The following RCAN1 variants were observed in gnomAD, a reference collection of about 807,000 sequenced individuals.
The protein encoded by RCAN1 is regulator of calcineurin 1.
In RCAN1, 11 loss-of-function variants were observed where a neutral mutation model predicts 22.9. The observed-to-expected ratio is 0.48, with a 90% confidence interval of 0.30 to 0.79. The LOEUF is 0.79. Ranked by LOEUF, RCAN1 falls within the 30% of genes least tolerant of loss-of-function variation. The probability of loss-of-function intolerance (pLI) is 0.06; values close to 1 mark genes in which losing one functional copy is unlikely to be tolerated. For missense variants in RCAN1, 291 were observed against 337.8 expected, an observed-to-expected ratio of 0.86 and a Z score of 1.09; for synonymous variants, 136 against 142.3, an observed-to-expected ratio of 0.96 and a Z score of 0.32.
At chr21:34,551,889 A>G (rs1986382271) in intron 1 of RCAN1, among the ~76,000 whole-genome samples, 1 of 152,190 alleles carries the variant, frequency 6.6e-6, no homozygotes, top group South Asian at 2.1e-4. Context: ...CCTTGCTCAG[A>G]AAGTGTCCAG....
intron 1 of RCAN1, among the ~76,000 whole-genome samples, chr21:34,548,791 G>A (rs558575322): frequency 7.9e-5 from 12 of 152,248 alleles, no homozygotes; most frequent in Admixed American, 3.3e-4. Flanking sequence ...TGCCGGCAAA[G>A]GAATCTTAAA....
chr21:34,521,268 T>C, intron 3 of RCAN1: 1 of 1,439,544 alleles, frequency 6.9e-7, no homozygotes, highest in Non-Finnish European at 9.1e-7. Flanking sequence ...TGGAGGGGCG[T>C]GATGCAGGGT....
chr21:34,517,002 C>A lies in RCAN1; in HGVS notation c.*1082G>T, dbSNP rs1380497958. The A allele has an allele frequency of 6.6e-6, 1 of 152,648 alleles. No homozygotes were observed. Among genetic ancestry groups the A allele is most frequent in the Non-Finnish European group, 1.5e-5 (1 of 68,040 alleles). The allele number at this position is 152,648 out of a possible 1,614,324, so 9.5% of individuals were successfully genotyped here. On this transcript the variant is annotated 3_prime_UTR_variant, in exon 4 of 4. Transcript: ENST00000313806. The stretch of plus-strand genomic sequence containing the variant: ...CCTGTTAGACATGGGAACAGCTTTT[C>A]CTACAACATATGATTCACAGGTAGG...
chr21:34,537,584 C>T (rs893733893), intron 1 of RCAN1, among the ~76,000 whole-genome samples: 20 of 152,370 alleles, frequency 1.3e-4, no homozygotes, highest in African/African-American at 4.8e-4. Flanking sequence ...TGTCTGTGGT[C>T]TACTCGCCCC....
At chr21:34,570,123 T>C (rs1277297518) in intron 1 of RCAN1, among the ~76,000 whole-genome samples, 1 of 152,204 alleles carries the variant, frequency 6.6e-6, no homozygotes, top group East Asian at 1.9e-4. Context: ...CCTATATAAA[T>C]GCAGTGTTCA....
At chr21:34,567,323 T>C (rs182263562) in intron 1 of RCAN1, among the ~76,000 whole-genome samples, 58 of 152,260 alleles carry the variant, frequency 3.8e-4, no homozygotes, top group East Asian at 2.7e-3. Context: ...GGTGAAACCC[T>C]ATCTCTATTA....
chr21:34,554,016 A>G (rs1243403217), intron 1 of RCAN1, among the ~76,000 whole-genome samples: 1 of 152,218 alleles, frequency 6.6e-6, no homozygotes, highest in Non-Finnish European at 1.5e-5. Context: ...AAGTTGCCTC[A>G]ATTTGCTGGC....
chr21:34,581,076 C>G lies in RCAN1; in HGVS notation c.252+33684G>C, dbSNP rs530111203. ...CTAAGTCCTTGTGGAGATGGACCCA[C>G]CGTTGTCTCAGAGATGCCTTAGTCT... On this transcript the variant is annotated intron_variant, in intron 1 of 3. Transcript: ENST00000313806. Among the ~76,000 whole-genome samples the G allele has an allele frequency of 2.0e-5, 3 of 152,244 alleles. No homozygotes were observed. The East Asian group carries it at 5.8e-4, about 29-fold the overall frequency.
chr21:34,556,558 T>C (rs2834535), intron 1 of RCAN1, among the ~76,000 whole-genome samples: 36,685 of 151,862 alleles, frequency 0.24, 5,169 homozygotes, highest in African/African-American at 0.39. Flanking sequence ...AAGTTGAAAA[T>C]ATGTAATTTA....
In RCAN1 at chr21:34,614,223, A is replaced by G; in HGVS notation, c.252+537T>C. On this transcript the variant is annotated intron_variant, in intron 1 of 3. Coordinates refer to ENST00000313806, the MANE Select transcript of RCAN1 (RefSeq NM_004414.7). The surrounding 1 kb of genome is among the most constrained non-coding windows in gnomAD (Gnocchi z 6.0). ...GAAAGATGGTCCCCTTCCCCCCAAC[A>G]CAATTCCACCAAAACTGGCCAGCCG... 1 of 995,962 alleles carries G rather than the reference A, an allele frequency of 1.0e-6. No homozygotes were observed. The highest frequency in any genetic ancestry group is 1.2e-6 in the Non-Finnish European group (1 of 835,704). The allele number at this position is 995,962 out of a possible 1,614,324, so 61.7% of individuals were successfully genotyped here. A position where few individuals can be genotyped will look rare whatever the true frequency, so the allele number is the denominator to read the frequency against.
rs552707908 is a variant in RCAN1, at chr21:34,594,086, C to T, written c.252+20674G>A. Among the ~76,000 whole-genome samples, 9 of 152,212 alleles carry T rather than the reference C, an allele frequency of 5.9e-5. No individual in the cohort carries two copies. In the South Asian group the frequency reaches 8.3e-4, roughly 14 times the overall value. On this transcript the variant is annotated intron_variant, in intron 1 of 3. Coordinates refer to ENST00000313806, the MANE Select transcript of RCAN1 (RefSeq NM_004414.7). ...TGGATTATATTAGAGGAGTTCCTGT[C>T]GTGACCCTTGAGTTAGAAAGCAGAT...
intron 1 of RCAN1, among the ~76,000 whole-genome samples, chr21:34,538,141 AAAGTTTTGTC>A (rs1360737145): frequency 3.2e-4 from 48 of 152,264 alleles, no homozygotes; most frequent in Non-Finnish European, 5.4e-4. Context: ...GGAGGCAAAA[AAAGTTTTGTC>A]AGGAATGGCA....
intron 1 of RCAN1, among the ~76,000 whole-genome samples, chr21:34,599,144 T>C (rs1308351358): frequency 2.6e-5 from 4 of 152,186 alleles, no homozygotes; most frequent in Non-Finnish European, 5.9e-5. Flanking sequence ...ATTCCACTTC[T>C]AGCAATGTAT....
intron 1 of RCAN1, among the ~76,000 whole-genome samples, chr21:34,597,388 A>T (rs533081186): frequency 2.0e-5 from 3 of 152,214 alleles, no homozygotes; most frequent in Admixed American, 6.5e-5. Context: ...GACAGTGCGG[A>T]TACAGGACAC....
chr21:34,536,453 G>A (rs1042584569), intron 1 of RCAN1, among the ~76,000 whole-genome samples: 1 of 152,192 alleles, frequency 6.6e-6, no homozygotes, highest in Non-Finnish European at 1.5e-5. Flanking sequence ...CCAGTGTCTG[G>A]TTAGCCCTCA....
At position 34,518,428 on chromosome 21, in the gene RCAN1, G is replaced by GA. The variant is rs1984212400; in HGVS notation, c.587-173dup. Among the ~76,000 whole-genome samples, 1 of 152,180 alleles carries GA rather than the reference G, an allele frequency of 6.6e-6. No homozygotes were observed. The highest frequency in any genetic ancestry group is 1.5e-5 in the Non-Finnish European group (1 of 68,016). On this transcript the variant is annotated intron_variant, in intron 3 of 3. Coordinates refer to ENST00000313806, the MANE Select transcript of RCAN1 (RefSeq NM_004414.7). The surrounding 1 kb of genome is among the most constrained non-coding windows in gnomAD (Gnocchi z 4.2). ...TTGTATTTCTTTGCTAGCTCATTCAGAAAAAGAGAGATTTCCATTGTGCAT... is the reference window on the plus strand; with the variant it reads ...TTGTATTTCTTTGCTAGCTCATTCAGAAAAAAGAGAGATTTCCATTGTGCAT...
At chr21:34,567,541 T>C (rs117689723) in intron 1 of RCAN1, among the ~76,000 whole-genome samples, 5,087 of 137,764 alleles carry the variant, frequency 0.037, 211 homozygotes, top group East Asian at 0.12. Flanking sequence ...GAAGACAGAG[T>C]GAGACTCCAT....
At chr21:34,529,356 T>A (rs1434016291) in intron 1 of RCAN1, among the ~76,000 whole-genome samples, 6 of 152,182 alleles carry the variant, frequency 3.9e-5, no homozygotes, top group Non-Finnish European at 7.3e-5. Context: ...GAATCCTTAG[T>A]GGCACTTGGA....
intron 1 of RCAN1, chr21:34,525,091 G>A (rs1394617205): frequency 1.3e-6 from 2 of 1,550,636 alleles, no homozygotes; most frequent in African/African-American, 2.7e-5. Context: ...TGAGGACCTT[G>A]GAGAACCTAT....
Sources: gnomAD v4.1 joint callset for allele counts (sites outside exome capture counted in the v4.1 genomes callset) on GRCh38, gnomAD v4.1.1 for gene constraint, Gnocchi (gnomAD v3.1) non-coding constraint, MANE v1.5 for transcripts, NCBI Gene and HGNC (gene_info 2026-07-23, HGNC 2026-07-21) for gene names.